Variants in UTP18 observed in about 807,000 individuals in gnomAD.
The protein encoded by UTP18 is U3 small nucleolar RNA-associated protein 18 homolog.
A neutral mutation model predicts 61.1 loss-of-function variants in UTP18; 36 were observed. The observed-to-expected ratio is 0.59, with a 90% confidence interval of 0.45 to 0.78. The LOEUF (loss-of-function observed/expected upper bound fraction) is 0.78, where lower values mean the gene tolerates loss of function less well. Ranked by LOEUF, UTP18 falls within the 30% of genes least tolerant of loss-of-function variation. The probability of loss-of-function intolerance (pLI) is 0.00; values close to 1 mark genes in which losing one functional copy is unlikely to be tolerated. For missense variants in UTP18, 753 were observed against 693.9 expected (o/e 1.09, Z -0.96); for synonymous variants, 282 against 251.1 (o/e 1.12, Z -1.16).
At chr17:51,264,879 T>A (rs1028716826) in intron 2 of UTP18, among the ~76,000 whole-genome samples, 8 of 151,906 alleles carry the variant, frequency 5.3e-5, no homozygotes, top group Non-Finnish European at 1.2e-4. Flanking sequence ...GACGGGGTTT[T>A]ACCATGTTGG....
intron 9 of UTP18, among the ~76,000 whole-genome samples, chr17:51,281,864 A>G (rs1904939161): frequency 6.6e-6 from 1 of 152,246 alleles, no homozygotes; most frequent in Admixed American, 6.5e-5. Flanking sequence ...AAAAAAGATG[A>G]TTCATTTGAA....
intron 7 of UTP18, 29 bp downstream of exon 7, chr17:51,277,333 A>G: frequency 6.2e-7 from 1 of 1,609,624 alleles, no homozygotes; most frequent in African/African-American, 1.3e-5. Context: ...GCACACAACC[A>G]GTCATTCCCC....
chr17:51,264,326 G>A (rs542636248), intron 2 of UTP18, among the ~76,000 whole-genome samples: 2 of 152,124 alleles, frequency 1.3e-5, no homozygotes, highest in African/African-American at 4.8e-5. Context: ...GATTACAGGC[G>A]TGAACTGCTG....
chr17:51,263,070 C>G (rs2055523580), intron 1 of UTP18, among the ~76,000 whole-genome samples: 1 of 152,222 alleles, frequency 6.6e-6, no homozygotes, highest in Admixed American at 6.5e-5. Flanking sequence ...TCCATCTTGC[C>G]TCACCTGTCC....
intron 10 of UTP18, chr17:51,286,336 A>T: frequency 2.7e-6 from 1 of 372,512 alleles, no homozygotes; most frequent in South Asian, 2.0e-5. Context: ...TAACTTCAAG[A>T]AGTAGGTTTT....
At chr17:51,284,835 T>C (rs1284193332) in intron 9 of UTP18, among the ~76,000 whole-genome samples, 3 of 151,968 alleles carry the variant, frequency 2.0e-5, no homozygotes, top group Non-Finnish European at 2.9e-5. Flanking sequence ...CCAAGGCAGG[T>C]GGATCACCTG....
rs549033006 is a variant in UTP18, at chr17:51,262,355, A to G, written c.343-919A>G. 3.4e-3 allele frequency among the ~76,000 whole-genome samples: 519 copies of G among 152,230 alleles called. 7 individuals carry two copies. The highest frequency in any genetic ancestry group is 0.011 in the African/African-American group (474 of 41,540). On this transcript the variant is annotated intron_variant, in intron 1 of 13. Coordinates refer to ENST00000225298, the MANE Select transcript of UTP18 (RefSeq NM_016001.3). ...CGCCTCGGCCTCCCAAAGTGCTGAGACTACAAGTGTGAGCCACCGCACCCG... is the reference window on the plus strand; with the variant it reads ...CGCCTCGGCCTCCCAAAGTGCTGAGGCTACAAGTGTGAGCCACCGCACCCG...
At chr17:51,264,159 C>T (rs2055536367) in intron 2 of UTP18, among the ~76,000 whole-genome samples, 1 of 151,972 alleles carries the variant, frequency 6.6e-6, no homozygotes, top group Non-Finnish European at 1.5e-5. Flanking sequence ...GCCTCAGCCT[C>T]CCGAGTAGCT....
chr17:51,267,447 A>G (rs1234237496), intron 3 of UTP18, among the ~76,000 whole-genome samples: 3 of 143,090 alleles, frequency 2.1e-5, no homozygotes, highest in Non-Finnish European at 4.6e-5. Flanking sequence ...TCTAGTTCTA[A>G]AACTTTTTTT....
At chr17:51,295,387 G>A (rs1231849168) in intron 12 of UTP18, among the ~76,000 whole-genome samples, 1 of 152,186 alleles carries the variant, frequency 6.6e-6, no homozygotes, top group Non-Finnish European at 1.5e-5. Context: ...TAAGGTGTAA[G>A]GAAGGGACCC....
intron 10 of UTP18, among the ~76,000 whole-genome samples, chr17:51,285,855 C>T (rs769881267): frequency 1.3e-5 from 2 of 152,170 alleles, no homozygotes; most frequent in Non-Finnish European, 2.9e-5. Context: ...ATACGCCCTG[C>T]CAGATAAGAA....
chr17:51,285,614 C>G lies in UTP18; in HGVS notation c.1328+246C>G, dbSNP rs530777265. 3.3e-5 allele frequency among the ~76,000 whole-genome samples: 5 copies of G among 152,306 alleles called. No homozygotes were observed. In the South Asian group the frequency reaches 1.0e-3, roughly 32 times the overall value. ...GTGGTTTTAGTTACCTGTGGTTAAT[C>G]ACAATCTGAAATCTATGTAAGATAT... On this transcript the variant is annotated intron_variant, in intron 10 of 13. Transcript: ENST00000225298.
chr17:51,288,171 G>A lies in UTP18; in HGVS notation c.1471G>A (p.Ala491Thr). 6.3e-7 allele frequency: 1 copy of A among 1,592,752 alleles called. No individual in the cohort carries two copies. Among genetic ancestry groups the A allele is most frequent in the Non-Finnish European group, 8.5e-7 (1 of 1,174,594 alleles). ...FNPTTEILAI[A>T]SEKMKEAVRL... is the part of the protein sequence containing the mutation. ...TCCTACTACAGAAATCTTGGCAATT[G>A]CTTCAGAAAAAATGAAAGAAGCAGT... The change falls in exon 11 of 14, where the codon GCT becomes ACT. Residue 491 changes from alanine (A) to threonine (T), a missense_variant. Transcript: ENST00000225298.
intron 4 of UTP18, among the ~76,000 whole-genome samples, chr17:51,272,628 TA>T (rs1260938272): frequency 6.6e-6 from 1 of 152,220 alleles, no homozygotes; most frequent in African/African-American, 2.4e-5. Flanking sequence ...AGGACACTAG[TA>T]ATCCCAGAAC....
chr17:51,267,002 T>A (rs997917097), intron 3 of UTP18, among the ~76,000 whole-genome samples: 3 of 152,144 alleles, frequency 2.0e-5, no homozygotes, highest in Non-Finnish European at 4.4e-5. Flanking sequence ...ATTTTTAAAA[T>A]TTTTTTGTAG....
At chr17:51,286,544 G>C (rs1439001103) in intron 10 of UTP18, 1 of 456,234 alleles carries the variant, frequency 2.2e-6, no homozygotes, top group Non-Finnish European at 4.4e-6. Flanking sequence ...TTGGAGTTTG[G>C]GAGGAAAGGC....
intron 2 of UTP18, among the ~76,000 whole-genome samples, chr17:51,265,915 G>T (rs1310628677): frequency 6.6e-6 from 1 of 152,116 alleles, no homozygotes; most frequent in Non-Finnish European, 1.5e-5. Flanking sequence ...GTTTATTTTG[G>T]AGAATTTCAT....
chr17:51,261,290 C>T (rs1598470205), intron 1 of UTP18, among the ~76,000 whole-genome samples: 2 of 152,298 alleles, frequency 1.3e-5, no homozygotes, highest in African/African-American at 2.4e-5. Context: ...TTCAGGAATT[C>T]GATTTCGTTG....
In UTP18 at chr17:51,260,918, G is replaced by T; in HGVS notation, c.334G>T (p.Gly112Cys). The change falls in exon 1 of 14, where the codon GGC becomes TGC. Residue 112 changes from glycine (G) to cysteine (C), a missense_variant. Physicochemically the swap from Gly to Cys is radical, Grantham distance 159. Coordinates refer to ENST00000225298, the MANE Select transcript of UTP18 (RefSeq NM_016001.3). ...GGACGCGTTGCTGCGGCGTCTGCGA[G>T]GCCCGAGGGTGAGGGAGGCCGCGGC... ...DEDALLRRLR[G>C]PRVQEHEDSG... 6.3e-7 allele frequency: 1 copy of T among 1,577,808 alleles called. No individual in the cohort carries two copies. The highest frequency in any genetic ancestry group is 2.4e-5 in the East Asian group (1 of 41,518).
Sources: gnomAD v4.1 joint callset for allele counts (sites outside exome capture counted in the v4.1 genomes callset) on GRCh38, gnomAD v4.1.1 for gene constraint, MANE v1.5 for transcripts, NCBI Gene and HGNC (gene_info 2026-07-23, HGNC 2026-07-21) for gene names.